Variants in ARAP1 observed in about 807,000 individuals in gnomAD.
The protein encoded by ARAP1 is ArfGAP with RhoGAP domain, ankyrin repeat and PH domain 1, also known as arf-GAP with Rho-GAP domain, ANK repeat and PH domain-containing protein 1.
ARAP1 carries 76 observed loss-of-function variants against 172.2 expected under a neutral mutation model. The ratio of observed to expected loss-of-function variants is 0.44; its 90% confidence interval spans 0.37 to 0.53. ARAP1 has a LOEUF of 0.53. Ranked by LOEUF, ARAP1 falls within the 20% of genes least tolerant of loss-of-function variation. The pLI is 0.00. For synonymous variants in ARAP1, 804 were observed against 803.3 expected (o/e 1.00, Z -0.01); for missense variants, 1,686 against 1,977.5 (o/e 0.85, Z 2.80).
At chr11:72,705,726 A>C in intron 13 of ARAP1, 79 bp downstream of exon 13, 1 of 1,451,144 alleles carries the variant, frequency 6.9e-7, no homozygotes, top group Non-Finnish European at 9.6e-7. Context: ...TCACTGAGAT[A>C]GGGAGGGGGC....
chr11:72,750,219 G>A (rs1388528770), intron 1 of ARAP1, among the ~76,000 whole-genome samples: 1 of 152,194 alleles, frequency 6.6e-6, no homozygotes, highest in South Asian at 2.1e-4. Flanking sequence ...CCCAGGGCCC[G>A]GTCCAGGCCC....
chr11:72,686,260 C>T, intron 33 of ARAP1, 69 bp from the exon 34 acceptor site: 1 of 1,540,034 alleles, frequency 6.5e-7, no homozygotes, highest in Non-Finnish European at 8.8e-7. Context: ...CAGATCTGCC[C>T]ACCCTTCCCA....
Position 72,710,956 on chromosome 11 carries a change from C to A in ARAP1, c.1213+65G>T. 2 of 1,604,468 alleles carry A rather than the reference C, an allele frequency of 1.2e-6. No individual in the cohort carries two copies. Among genetic ancestry groups the A allele is most frequent in the Non-Finnish European group, 8.5e-7 (1 of 1,173,268 alleles). Reference sequence around the variant, plus strand: ...GCACCATGACTCTCTTCCCCCTCCTCTGCCCAAACTTCCAGTCTTCTCTAC... The same window carrying A: ...GCACCATGACTCTCTTCCCCCTCCTATGCCCAAACTTCCAGTCTTCTCTAC... On this transcript the variant is annotated intron_variant, in intron 9 of 34. Coordinates refer to ENST00000393609, the MANE Select transcript of ARAP1 (RefSeq NM_001040118.3). This position sits in a 1 kb window ranked among gnomAD's most constrained non-coding sequence, Gnocchi z 4.3.
intron 1 of ARAP1, among the ~76,000 whole-genome samples, chr11:72,752,032 G>A (rs908719802): frequency 1.3e-5 from 2 of 152,218 alleles, no homozygotes; most frequent in Non-Finnish European, 2.9e-5. Flanking sequence ...TCACTTCACA[G>A]ATGGGAACCC....
chr11:72,710,374 C>T lies in ARAP1; in HGVS notation c.1416+11G>A, dbSNP rs748922964. 9 of 1,613,360 alleles carry T rather than the reference C, an allele frequency of 5.6e-6. No homozygotes were observed. Among genetic ancestry groups the T allele is most frequent in the African/African-American group, 1.3e-5 (1 of 74,872 alleles). ...CATGGGCAGGGGAGAGGTTCCATGA[C>T]CCCTTAGCACCTCTAGATTCTTGTA... is the stretch of plus-strand genomic sequence containing the variant. On this transcript the variant is annotated intron_variant, in intron 10 of 34. Transcript: ENST00000393609. This position sits in a 1 kb window ranked among gnomAD's most constrained non-coding sequence, Gnocchi z 4.3.
Position 72,738,576 on chromosome 11 carries a change from C to G in ARAP1, c.-127-5979G>C, listed in dbSNP as rs80276462. On this transcript the variant is annotated intron_variant, in intron 1 of 34. Coordinates refer to ENST00000393609, the MANE Select transcript of ARAP1 (RefSeq NM_001040118.3). Reference sequence around the variant, plus strand: ...GGCCTCAGCTTGTCCACCACCACCTCCCTTATACAGCCTCATCCCCTACCC... The same window carrying G: ...GGCCTCAGCTTGTCCACCACCACCTGCCTTATACAGCCTCATCCCCTACCC... Among the ~76,000 whole-genome samples the G allele has an allele frequency of 3.8e-4, 58 of 152,216 alleles. No individual in the cohort carries two copies. In the East Asian group the frequency reaches 0.01, roughly 26 times the overall value.
chr11:72,743,468 C>T (rs1858263341), intron 1 of ARAP1, among the ~76,000 whole-genome samples: 1 of 151,798 alleles, frequency 6.6e-6, no homozygotes, highest in African/African-American at 2.4e-5. Flanking sequence ...TGGCCAGGGG[C>T]AGGGTCTGCA....
Position 72,712,146 on chromosome 11 carries a change from C to A in ARAP1, c.1022+50G>T, listed in dbSNP as rs757486174. ...AGTGTCCTGGGGTCCTGGACACTGC[C>A]CCCCACCCCCCCATGCAGAGCACAG... On this transcript the variant is annotated intron_variant, in intron 7 of 34. Coordinates refer to ENST00000393609, the MANE Select transcript of ARAP1 (RefSeq NM_001040118.3). 2.7e-6 allele frequency: 4 copies of A among 1,506,546 alleles called. No individual in the cohort carries two copies. The African/African-American group carries it at 5.6e-5, about 21-fold the overall frequency. 93.3% of individuals were successfully genotyped at this position (1,506,546 alleles called of 1,614,324 possible). A position where few individuals can be genotyped will look rare whatever the true frequency, so the allele number is the denominator to read the frequency against.
Position 72,699,031 on chromosome 11 carries a change from G to A in ARAP1, c.2515C>T (p.His839Tyr). ...TTAGCAATACACTTGACCCACTCAT[G>A]AGCCTGCTCCGCACTCTCCAGCCCA... The part of the protein sequence containing the change: ...LFGLESAEQA[H>Y]EWVKCIAKAF... Residue 839 changes from histidine to tyrosine, a missense_variant, in exon 18 of 35, where the codon CAT (histidine) becomes TAT (tyrosine). Around this residue, in one of 5 missense-constraint regions of ARAP1, gnomAD observed 688 missense variants for 856.9 expected, o/e 0.80. Transcript: ENST00000393609. This position sits in a 1 kb window ranked among gnomAD's most constrained non-coding sequence, Gnocchi z 4.2. 1 of 1,614,124 alleles carries A rather than the reference G, an allele frequency of 6.2e-7. No homozygotes were observed. Among genetic ancestry groups the A allele is most frequent in the Non-Finnish European group, 8.5e-7 (1 of 1,180,024 alleles).
chr11:72,747,976 G>A (rs1419785003), intron 1 of ARAP1, among the ~76,000 whole-genome samples: 1 of 152,166 alleles, frequency 6.6e-6, no homozygotes, highest in Non-Finnish European at 1.5e-5. Flanking sequence ...GCCTCCCAGT[G>A]CTTGTGGTTT....
Position 72,697,183 on chromosome 11 carries a change from T to C in ARAP1, c.2966A>G (p.Glu989Gly), listed in dbSNP as rs766423140. ...DYITQCGLTSEGIYRKCGQTS... is the reference protein window; with the variant it reads ...DYITQCGLTSGGIYRKCGQTS... ...CTGCCCACACTTGCGGTAGATGCCC[T>C]CGGAGGTCAGGCCTAGGGAGGGGCG... The change falls in exon 22 of 35, where the codon GAG becomes GGG. Residue 989 changes from glutamate to glycine, a missense_variant. This residue lies in a region of ARAP1 where 274 missense variants were observed against 262.7 expected (regional missense o/e 1.04). Coordinates refer to ENST00000393609, the MANE Select transcript of ARAP1 (RefSeq NM_001040118.3). The C allele has an allele frequency of 3.1e-6, 5 of 1,601,852 alleles. No homozygotes were observed. The highest frequency in any genetic ancestry group is 4.2e-6 in the Non-Finnish European group (5 of 1,179,422).
rs1461020494 is a variant in ARAP1 at position 72,709,985 on chromosome 11, C to A, written c.1417-9G>T. ...ATGCCCAGGTGGTACTCCTGGAGGG[C>A]AGATGGGACGGGATGAGGGCAAGGC... is the stretch of plus-strand genomic sequence containing the variant. On this transcript the variant is annotated splice_polypyrimidine_tract_variant and intron_variant, in intron 10 of 34. Coordinates refer to ENST00000393609, the MANE Select transcript of ARAP1 (RefSeq NM_001040118.3). 1 of 1,609,980 alleles carries A rather than the reference C, an allele frequency of 6.2e-7. No individual in the cohort carries two copies. The highest frequency in any genetic ancestry group is 8.5e-7 in the Non-Finnish European group (1 of 1,177,046).
intron 3 of ARAP1, among the ~76,000 whole-genome samples, chr11:72,716,172 C>CAAA (rs201462857): frequency 9.0e-4 from 66 of 73,126 alleles, no homozygotes; most frequent in African/African-American, 2.6e-3. Flanking sequence ...GACTCCGTCT[C>CAAA]AAAAAAAAAA....
chr11:72,689,663 A>G (rs1855853579), intron 30 of ARAP1: 1 of 152,244 alleles, frequency 6.6e-6, no homozygotes, highest in Admixed American at 6.5e-5. Flanking sequence ...GGTGTGGCTT[A>G]GGAGGGCCTT....
rs1429919772 is a variant in ARAP1 at position 72,697,330 on chromosome 11, C to T, written c.2946G>A (p.Thr982=). The change falls in exon 21 of 35, where the codon ACG becomes ACA. Residue 982 remains threonine (T), a synonymous_variant. Transcript: ENST00000393609. ...CCTAGGGGCAGGGCTCACCGCACTG[C>T]GTGATGTAGTCCACACAGCGGTACA... ...VIVYRCVDYI[T]QCGLTSEGIY... 5 of 1,588,590 alleles carry T rather than the reference C, an allele frequency of 3.1e-6. No individual in the cohort carries two copies. The South Asian group carries it at 5.6e-5, about 18-fold the overall frequency.
In ARAP1 at chr11:72,685,852, G is replaced by A. The variant is rs1855654167; in HGVS notation, c.4336-171C>T. On this transcript the variant is annotated intron_variant, in intron 34 of 34. Coordinates refer to ENST00000393609, the MANE Select transcript of ARAP1 (RefSeq NM_001040118.3). ...GGCAGAGGGGACTCCCAGCTTCCAG[G>A]GCCAGGCAGAAGGGGCTCCTTTGAA... 3.7e-6 allele frequency: 5 copies of A among 1,349,582 alleles called. No homozygotes were observed. The East Asian group carries it at 7.1e-5, about 19-fold the overall frequency. The allele number at this position is 1,349,582 out of a possible 1,614,324, so 83.6% of individuals were successfully genotyped here. A position where few individuals can be genotyped will look rare whatever the true frequency, so the allele number is the denominator to read the frequency against.
At chr11:72,744,669 T>C (rs1008309223) in intron 1 of ARAP1, among the ~76,000 whole-genome samples, 4 of 152,194 alleles carry the variant, frequency 2.6e-5, no homozygotes, top group African/African-American at 9.7e-5. Context: ...TCCAGCAGCC[T>C]GTTCCTTGGA....
chr11:72,699,287 C>T lies in ARAP1; in HGVS notation c.2438+130G>A. On this transcript the variant is annotated intron_variant, in intron 17 of 34. Transcript: ENST00000393609. This position sits in a 1 kb window ranked among gnomAD's most constrained non-coding sequence, Gnocchi z 4.2. ...GGGGCCTCAAGAGACTGGAGTCGGC[C>T]CTTGTGCAGCCTCCGTTTGCTGTGT... 1 of 1,465,868 alleles carries T rather than the reference C, an allele frequency of 6.8e-7. No individual in the cohort carries two copies. Among genetic ancestry groups the T allele is most frequent in the Non-Finnish European group, 9.2e-7 (1 of 1,081,690 alleles). 90.8% of individuals were successfully genotyped at this position (1,465,868 alleles called of 1,614,324 possible).
At position 72,714,228 on chromosome 11, in the gene ARAP1, C is replaced by T. The variant is rs771613442; in HGVS notation, c.603G>A (p.Gly201=). 6.6e-7 allele frequency: 1 copy of T among 1,522,650 alleles called. No individual in the cohort carries two copies. 94.3% of individuals were successfully genotyped at this position (1,522,650 alleles called of 1,614,324 possible). The change falls in exon 4 of 35, where the codon GGG becomes GGA. Residue 201 remains glycine, a synonymous_variant. Transcript: ENST00000393609. ...SEEPLSTLPQ[G]PPQPPSPPPC... ...GAGGTGGAGAGGGAGGCTGGGGAGG[C>T]CCCTGGGGGAGGGTGGACAGGGGCT... is the stretch of plus-strand genomic sequence containing the variant.
Sources: gnomAD v4.1 joint callset for allele counts (sites outside exome capture counted in the v4.1 genomes callset) on GRCh38, gnomAD v4.1.1 for gene constraint, gnomAD v4.1.1 regional missense constraint, Gnocchi (gnomAD v3.1) non-coding constraint, MANE v1.5 for transcripts, NCBI Gene and HGNC (gene_info 2026-07-23, HGNC 2026-07-21) for gene names.